The following SLC4A8 variants were observed in gnomAD, a reference collection of about 807,000 sequenced individuals.
The protein encoded by SLC4A8 is electroneutral sodium bicarbonate exchanger 1.
SLC4A8 carries 40 observed loss-of-function variants against 125.0 expected under a neutral mutation model. The ratio of observed to expected loss-of-function variants is 0.32; its 90% CI spans 0.25 to 0.42. The LOEUF (loss-of-function observed/expected upper bound fraction) is 0.42, where lower values mean the gene tolerates loss of function less well. Among genes scored for constraint, SLC4A8 ranks in the 10% least tolerant of loss-of-function variants. The probability of loss-of-function intolerance (pLI) is 1.00; values close to 1 mark genes in which losing one functional copy is unlikely to be tolerated. For synonymous variants in SLC4A8, 456 were observed against 476.0 expected, an observed-to-expected ratio of 0.96 and a Z score of 0.55; for missense variants, 863 against 1,355.1, an observed-to-expected ratio of 0.64 and a Z score of 5.70.
intron 19 of SLC4A8, among the ~76,000 whole-genome samples, chr12:51,491,177 A>C (rs1413966558): frequency 2.0e-5 from 3 of 152,072 alleles, no homozygotes; most frequent in African/African-American, 4.8e-5. Context: ...TTGGAGTGAG[A>C]TGTCTGGGAG....
chr12:51,424,308 G>A (rs7305133), upstream of SLC4A8, among the ~76,000 whole-genome samples: 140,880 of 152,084 alleles, frequency 0.93, 65,308 homozygotes, highest in Non-Finnish European at 0.95. Context: ...TCCTTAGCTC[G>A]ACCCTGTCCG....
chr12:51,452,355 G>A (rs1430196779), intron 4 of SLC4A8, 96 bp downstream of exon 4: 23 of 1,410,596 alleles, frequency 1.6e-5, no homozygotes, highest in Non-Finnish European at 2.3e-5. Context: ...TTTCTTCTTG[G>A]GAGAAGCTGT....
chr12:51,423,477 A>T (rs142607058), upstream of SLC4A8, among the ~76,000 whole-genome samples: 38 of 152,296 alleles, frequency 2.5e-4, no homozygotes, highest in African/African-American at 8.4e-4. Flanking sequence ...TGTGGCAATG[A>T]ACACTAAAAC....
At chr12:51,431,261 T>C (rs1190706904) in intron 1 of SLC4A8, among the ~76,000 whole-genome samples, 4 of 152,224 alleles carry the variant, frequency 2.6e-5, no homozygotes, top group African/African-American at 9.7e-5. Context: ...GTTTTCATAA[T>C]TTAGGATGAT....
At chr12:51,426,645 C>T (rs185799998) in intron 1 of SLC4A8, among the ~76,000 whole-genome samples, 93 of 152,208 alleles carry the variant, frequency 6.1e-4, no homozygotes, top group African/African-American at 2.2e-3. Flanking sequence ...ACACAAAAGA[C>T]CTGTGGCAGA....
intron 9 of SLC4A8, chr12:51,462,088 T>C: frequency 1.9e-6 from 1 of 530,700 alleles, no homozygotes; most frequent in South Asian, 2.1e-5. Flanking sequence ...CTTCTTATAC[T>C]AGCAGACATG....
intron 20 of SLC4A8, 67 bp downstream of exon 20, chr12:51,493,839 A>G (rs1004500343): frequency 5.1e-6 from 5 of 987,690 alleles, no homozygotes; most frequent in Non-Finnish European, 8.2e-6. Flanking sequence ...CCAGGGAGGG[A>G]CAGCTCCCCA....
In SLC4A8 at chr12:51,496,963, CT is replaced by C. The variant is rs772031770; in HGVS notation, c.2944-14del. 742 of 1,368,940 alleles carry C rather than the reference CT, an allele frequency of 5.4e-4. 1 individual carries two copies. Among genetic ancestry groups the C allele is most frequent in the South Asian group, 1.9e-3 (150 of 77,714 alleles). The allele number at this position is 1,368,940 out of a possible 1,614,324, so 84.8% of individuals were successfully genotyped here. ...GAAGGAAATTAGTCCCTTTAATTCA[CT>C]TTTTTTTTTAATTTTTCTTCAGGTT... On this transcript the variant is annotated intron_variant, in intron 21 of 24. Transcript: ENST00000453097.
chr12:51,438,951 A>G (rs1216984939), intron 1 of SLC4A8, among the ~76,000 whole-genome samples: 1 of 152,146 alleles, frequency 6.6e-6, no homozygotes, highest in African/African-American at 2.4e-5. Flanking sequence ...TCATTCTTTT[A>G]ACAAAGATTT....
intron 10 of SLC4A8, 42 bp from the exon 11 acceptor site, chr12:51,463,572 A>G (rs762766002): frequency 1.1e-5 from 16 of 1,464,444 alleles, no homozygotes; most frequent in Non-Finnish European, 1.3e-5. Flanking sequence ...GGACGAAAAG[A>G]TAGATGTTAC....
At chr12:51,453,793 G>A in intron 5 of SLC4A8, 94 bp downstream of exon 5, 1 of 1,201,396 alleles carries the variant, frequency 8.3e-7, no homozygotes, top group Admixed American at 2.1e-5. Flanking sequence ...AATACAGTGG[G>A]TTGTGTGTCC....
chr12:51,396,971 C>T (rs985318092), intron 1 of SLC4A8, among the ~76,000 whole-genome samples: 7 of 137,180 alleles, frequency 5.1e-5, no homozygotes, highest in African/African-American at 8.4e-5. Flanking sequence ...ATTCTGTCGC[C>T]CAGGCTGGAA....
At chr12:51,496,021 G>A (rs1951451579) in intron 21 of SLC4A8, among the ~76,000 whole-genome samples, 1 of 152,126 alleles carries the variant, frequency 6.6e-6, no homozygotes, top group Admixed American at 6.5e-5. Flanking sequence ...TGGATCATAT[G>A]GAAATTCTAT....
At chr12:51,470,895 T>A (rs1409421469) in intron 13 of SLC4A8, among the ~76,000 whole-genome samples, 3 of 151,928 alleles carry the variant, frequency 2.0e-5, no homozygotes, top group Non-Finnish European at 4.4e-5. Context: ...TTGCTATTGA[T>A]AGTGGGGCAC....
intron 1 of SLC4A8, among the ~76,000 whole-genome samples, chr12:51,428,077 G>A (rs1949059896): frequency 6.6e-6 from 1 of 152,094 alleles, no homozygotes; most frequent in South Asian, 2.1e-4. Flanking sequence ...AATACAGTAA[G>A]TCTTGCATAC....
chr12:51,435,544 G>A (rs979462893), intron 1 of SLC4A8, among the ~76,000 whole-genome samples: 1 of 152,088 alleles, frequency 6.6e-6, no homozygotes, highest in African/African-American at 2.4e-5. Context: ...GATCACTTGA[G>A]CTTAGGAGTT....
At chr12:51,458,201 T>C (rs533249500) in intron 6 of SLC4A8, among the ~76,000 whole-genome samples, 4 of 152,330 alleles carry the variant, frequency 2.6e-5, no homozygotes, top group Admixed American at 2.0e-4. Flanking sequence ...TGGTCTCTAC[T>C]CATAGTGAAT....
At chr12:51,410,036 G>A (rs1315272845) in intron 1 of SLC4A8, among the ~76,000 whole-genome samples, 1 of 151,966 alleles carries the variant, frequency 6.6e-6, no homozygotes, top group African/African-American at 2.4e-5. Context: ...GCCTGATGGT[G>A]GTGGGCTAAT....
At position 51,511,267 on chromosome 12, in the gene SLC4A8, A is replaced by T. The variant is rs1938357682; in HGVS notation, c.*3829A>T. 6.6e-6 allele frequency: 1 copy of T among 152,230 alleles called. No homozygotes were observed. The highest frequency in any genetic ancestry group is 6.5e-5 in the Admixed American group (1 of 15,288). 9.4% of individuals were successfully genotyped at this position (152,230 alleles called of 1,614,324 possible). The stretch of plus-strand genomic sequence containing the variant: ...TCATGGTGATTTTCACAGCATCTGG[A>T]TGGCAAATTGCCTTCACGTAGGGAA... On this transcript the variant is annotated 3_prime_UTR_variant, in exon 25 of 25. Coordinates refer to ENST00000453097, the MANE Select transcript of SLC4A8 (RefSeq NM_001039960.3).
Sources: allele counts gnomAD v4.1 joint callset (sites outside exome capture counted in the v4.1 genomes callset), GRCh38; gene constraint gnomAD v4.1.1; transcripts MANE v1.5; gene names NCBI Gene and HGNC (gene_info 2026-07-23, HGNC 2026-07-21).